NME8: variants seen among roughly 807,000 people sequenced by gnomAD.
The protein encoded by NME8 is protein NME8.
A neutral mutation model predicts 82.3 loss-of-function variants in NME8; 72 were observed. The observed-to-expected ratio is 0.87, with a 90% CI of 0.72 to 1.06. The LOEUF (loss-of-function observed/expected upper bound fraction) is 1.06, where lower values mean the gene tolerates loss of function less well. Ranked by LOEUF, NME8 falls within the 50% of genes least tolerant of loss-of-function variation. The probability of loss-of-function intolerance (pLI) is 0.00; values close to 1 mark genes in which losing one functional copy is unlikely to be tolerated. For missense variants in NME8, 712 were observed against 685.4 expected (o/e 1.04, Z -0.43); for synonymous variants, 267 against 228.5 (o/e 1.17, Z -1.52).
chr7:37,896,450 C>A (rs1165082248), intron 16 of NME8, among the ~76,000 whole-genome samples: 2 of 152,270 alleles, frequency 1.3e-5, no homozygotes, highest in South Asian at 2.1e-4. Flanking sequence ...CTGAGATGAC[C>A]AGGCTGTTGT....
intron 2 of NME8, among the ~76,000 whole-genome samples, chr7:37,849,868 T>TA (rs1562826444): frequency 5.4e-5 from 6 of 111,578 alleles, no homozygotes; most frequent in South Asian, 2.7e-4. Flanking sequence ...AGACTATGTC[T>TA]CAAAAAAAAA....
At chr7:37,880,993 G>C (rs1313125904) in intron 12 of NME8, among the ~76,000 whole-genome samples, 1 of 152,026 alleles carries the variant, frequency 6.6e-6, no homozygotes, top group Admixed American at 6.6e-5. Flanking sequence ...CTGAACCTTT[G>C]CTATAATAGT....
intron 14 of NME8, among the ~76,000 whole-genome samples, chr7:37,887,156 A>C (rs2722366): frequency 0.3 from 46,085 of 152,112 alleles, 7,817 homozygotes; most frequent in East Asian, 0.43. Context: ...AATACCAAAG[A>C]GCAACAACTG....
At chr7:37,882,601 G>GAA (rs1252084762) in intron 12 of NME8, among the ~76,000 whole-genome samples, 554 of 35,726 alleles carry the variant, frequency 0.016, 6 homozygotes, top group African/African-American at 0.037. Context: ...GAAAGAAAGA[G>GAA]AGAGAGAGAG....
intron 12 of NME8, among the ~76,000 whole-genome samples, chr7:37,882,597 AAGAGAGAGAGAGAGAG>A (rs772102601): frequency 0.2 from 16,908 of 82,524 alleles, 1,513 homozygotes; most frequent in East Asian, 0.38. Flanking sequence ...GAAAGAAAGA[AAGAGAGAGAGAGAGAG>A]AGAAAGAAAG....
At chr7:37,868,569 A>C (rs2131953020) in intron 11 of NME8, among the ~76,000 whole-genome samples, 1 of 152,108 alleles carries the variant, frequency 6.6e-6, no homozygotes, top group Non-Finnish European at 1.5e-5. Context: ...CCTCACTGTG[A>C]CTGCCCTGAA....
intron 10 of NME8, among the ~76,000 whole-genome samples, chr7:37,866,601 T>C (rs559395265): frequency 1.1e-4 from 16 of 152,310 alleles, no homozygotes; most frequent in African/African-American, 3.6e-4. Flanking sequence ...TAGGTTACCT[T>C]TAAGATAAAT....
chr7:37,894,335 T>G (rs1489311108), intron 15 of NME8, 131 bp from the exon 16 acceptor site: 1 of 888,152 alleles, frequency 1.1e-6, no homozygotes, highest in Non-Finnish European at 1.8e-6. Context: ...TAATTTCGTT[T>G]GGCAGAGTTT....
At chr7:37,882,597 A>AGAAAGAAAGAAAGAG (rs1784971502) in intron 12 of NME8, among the ~76,000 whole-genome samples, 1 of 82,994 alleles carries the variant, frequency 1.2e-5, no homozygotes, top group Non-Finnish European at 2.6e-5. Context: ...GAAAGAAAGA[A>AGAAAGAAAGAAAGAG]AGAGAGAGAG....
At chr7:37,890,991 TAG>T (rs1230017463) in intron 15 of NME8, among the ~76,000 whole-genome samples, 1 of 151,960 alleles carries the variant, frequency 6.6e-6, no homozygotes, top group Non-Finnish European at 1.5e-5. Context: ...TCATATATGG[TAG>T]TTCTATTTTT....
At chr7:37,894,405 A>T in intron 15 of NME8, 61 bp from the exon 16 acceptor site, 1 of 1,512,896 alleles carries the variant, frequency 6.6e-7, no homozygotes, top group Non-Finnish European at 9.2e-7. Flanking sequence ...ATTTCAGTCT[A>T]CTTGAGTATG....
At chr7:37,885,112 T>G in intron 13 of NME8, 33 bp from the exon 14 acceptor site, 1 of 1,405,290 alleles carries the variant, frequency 7.1e-7, no homozygotes, top group African/African-American at 1.4e-5. Context: ...GCTACACTTC[T>G]TATTACCTCT....
chr7:37,898,985 A>G (rs1352789073), intron 17 of NME8, among the ~76,000 whole-genome samples: 1 of 152,212 alleles, frequency 6.6e-6, no homozygotes. Flanking sequence ...TTCAAAACCC[A>G]TTCCAAAATG....
chr7:37,851,441 G>A (rs1044299431), intron 5 of NME8, among the ~76,000 whole-genome samples: 28 of 152,116 alleles, frequency 1.8e-4, no homozygotes, highest in African/African-American at 6.7e-4. Flanking sequence ...CTACTTAACT[G>A]TAAATGTTAT....
At chr7:37,852,481 A>G (rs1010012843) in intron 5 of NME8, among the ~76,000 whole-genome samples, 1 of 152,064 alleles carries the variant, frequency 6.6e-6, no homozygotes, top group Non-Finnish European at 1.5e-5. Flanking sequence ...ATTCCCAGCA[A>G]AATCCTCTGT....
chr7:37,875,310 G>A (rs1470363607), intron 11 of NME8, among the ~76,000 whole-genome samples: 1 of 152,048 alleles, frequency 6.6e-6, no homozygotes, highest in Non-Finnish European at 1.5e-5. Flanking sequence ...TGTTTATGAG[G>A]TAATAATTTT....
intron 6 of NME8, among the ~76,000 whole-genome samples, chr7:37,861,146 A>G (rs1390532107): frequency 6.6e-6 from 1 of 152,178 alleles, no homozygotes; most frequent in Non-Finnish European, 1.5e-5. Flanking sequence ...AATCATGGTC[A>G]TGGCCTCTGC....
chr7:37,888,356 G>C lies in NME8; in HGVS notation c.1327G>C (p.Glu443Gln). Residue 443 changes from glutamate (E) to glutamine (Q), a missense_variant, in exon 15 of 18, where the codon GAA becomes CAA. Coordinates refer to ENST00000199447, the MANE Select transcript of NME8 (RefSeq NM_016616.5). Reference protein sequence around the residue: ...GSDSLETAEREIQHFFPLQST... With the variant: ...GSDSLETAERQIQHFFPLQST... ...CGATTCATTAGAAACCGCTGAAAGG[G>C]AAATACAGCATTTCTTTCCTCTTCA... 1.2e-6 allele frequency: 2 copies of C among 1,613,510 alleles called. No homozygotes were observed. The highest frequency in any genetic ancestry group is 1.7e-6 in the Non-Finnish European group (2 of 1,179,624).
chr7:37,898,808 C>T (rs1287899098), intron 17 of NME8, among the ~76,000 whole-genome samples: 1 of 152,002 alleles, frequency 6.6e-6, no homozygotes, highest in African/African-American at 2.4e-5. Context: ...GCAAACCATG[C>T]AAATGTCATT....
Sources: gnomAD v4.1 joint callset for allele counts (sites outside exome capture counted in the v4.1 genomes callset) on GRCh38, gnomAD v4.1.1 for gene constraint, MANE v1.5 for transcripts, NCBI Gene and HGNC (gene_info 2026-07-23, HGNC 2026-07-21) for gene names.